TBC1D22B: variants seen among roughly 807,000 people sequenced by gnomAD.
TBC1D22B encodes chromosome 6 open reading frame 197.
Under a neutral mutation model 69.1 loss-of-function variants are expected in TBC1D22B, and 32 were observed. The ratio of observed to expected loss-of-function variants is 0.46; its 90% CI spans 0.35 to 0.62. TBC1D22B has a LOEUF of 0.62. TBC1D22B is among the 20% of genes least tolerant of loss of function. The probability of loss-of-function intolerance (pLI) is 0.00; values close to 1 mark genes in which losing one functional copy is unlikely to be tolerated. For synonymous variants in TBC1D22B, 206 were observed against 229.8 expected (o/e 0.90, Z 0.94); for missense variants, 462 against 630.9 (o/e 0.73, Z 2.87).
intron 9 of TBC1D22B, among the ~76,000 whole-genome samples, chr6:37,313,397 G>A (rs1370899372): frequency 3.3e-5 from 5 of 152,048 alleles, no homozygotes; most frequent in African/African-American, 4.8e-5. Flanking sequence ...GGCTAAGGTG[G>A]GAGGATCACT....
At chr6:37,285,912 G>T (rs935021771) in intron 6 of TBC1D22B, among the ~76,000 whole-genome samples, 2 of 152,198 alleles carry the variant, frequency 1.3e-5, no homozygotes, top group Non-Finnish European at 2.9e-5. Flanking sequence ...GTGAGCCATC[G>T]CCCTGGCCCT....
At chr6:37,268,632 G>A (rs1766381848) in intron 1 of TBC1D22B, among the ~76,000 whole-genome samples, 1 of 152,178 alleles carries the variant, frequency 6.6e-6, no homozygotes, top group Non-Finnish European at 1.5e-5. Flanking sequence ...AGAAACTTCT[G>A]TGTCTATTTG....
chr6:37,308,504 A>G (rs1294937898), intron 8 of TBC1D22B, among the ~76,000 whole-genome samples: 9 of 152,188 alleles, frequency 5.9e-5, no homozygotes, highest in African/African-American at 1.7e-4. Flanking sequence ...GTGCTGGGGA[A>G]CTATCTCACT....
chr6:37,297,967 T>C (rs529939024), intron 8 of TBC1D22B, among the ~76,000 whole-genome samples: 1 of 152,310 alleles, frequency 6.6e-6, no homozygotes, highest in East Asian at 1.9e-4. Flanking sequence ...ATATCACATG[T>C]TCTCACTCAT....
intron 8 of TBC1D22B, among the ~76,000 whole-genome samples, chr6:37,295,148 G>C (rs1318469436): frequency 6.6e-6 from 1 of 152,120 alleles, no homozygotes; most frequent in Admixed American, 6.5e-5. Flanking sequence ...TGTTGCCCAG[G>C]CTGGAGTGCA....
intron 2 of TBC1D22B, among the ~76,000 whole-genome samples, chr6:37,271,437 T>C (rs1766479856): frequency 6.6e-6 from 1 of 152,240 alleles, no homozygotes; most frequent in Non-Finnish European, 1.5e-5. Context: ...GTGATTATAA[T>C]GTATTAGTGT....
chr6:37,269,479 A>G, intron 1 of TBC1D22B, 115 bp from the exon 2 acceptor site: 2 of 912,306 alleles, frequency 2.2e-6, no homozygotes, highest in Non-Finnish European at 3.5e-6. Flanking sequence ...TACAGTTATT[A>G]GAGATAACCT....
Position 37,327,620 on chromosome 6 carries a change from G to A in TBC1D22B, c.1390-3424G>A, listed in dbSNP as rs1768465270. 3.3e-5 allele frequency among the ~76,000 whole-genome samples: 5 copies of A among 152,176 alleles called. No homozygotes were observed. The South Asian group carries it at 1.0e-3, about 32-fold the overall frequency. ...AAGAGGGAATTACTCCTGTGAGAGG[G>A]GAATATTCCAAAGATGTTCCGATCA... On this transcript the variant is annotated intron_variant, in intron 12 of 12. Coordinates refer to ENST00000373491, the MANE Select transcript of TBC1D22B (RefSeq NM_017772.4).
At chr6:37,286,321 CT>C (rs34349373) in intron 6 of TBC1D22B, among the ~76,000 whole-genome samples, 25 of 145,758 alleles carry the variant, frequency 1.7e-4, no homozygotes, top group Admixed American at 2.7e-4. Context: ...ATTTCCATTT[CT>C]TTTTTTTTTT....
At chr6:37,300,674 T>C (rs530801270) in intron 8 of TBC1D22B, among the ~76,000 whole-genome samples, 1 of 152,254 alleles carries the variant, frequency 6.6e-6, no homozygotes, top group African/African-American at 2.4e-5. Context: ...TATTTTTTAT[T>C]AGTGGCTTTT....
chr6:37,279,983 T>C (rs1651261575), intron 3 of TBC1D22B, among the ~76,000 whole-genome samples: 1 of 152,252 alleles, frequency 6.6e-6, no homozygotes, highest in African/African-American at 2.4e-5. Context: ...TGTTAGTGGC[T>C]GAATTTCACA....
intron 7 of TBC1D22B, among the ~76,000 whole-genome samples, chr6:37,287,652 A>G (rs138536832): frequency 0.012 from 1,833 of 152,310 alleles, 30 homozygotes; most frequent in Middle Eastern, 0.044. Flanking sequence ...TGACTGGCTT[A>G]TTTCACTTAG....
chr6:37,266,736 T>G (rs1002374636), intron 1 of TBC1D22B, among the ~76,000 whole-genome samples: 3 of 151,924 alleles, frequency 2.0e-5, no homozygotes, highest in African/African-American at 7.3e-5. Context: ...GTGCTGGGAT[T>G]ACAGGCGTGA....
At chr6:37,282,410 G>A in intron 4 of TBC1D22B, 46 bp downstream of exon 4, 1 of 1,522,356 alleles carries the variant, frequency 6.6e-7, no homozygotes, top group East Asian at 2.3e-5. Flanking sequence ...TGGGTGACTG[G>A]AATTCTCAGA....
At chr6:37,286,952 CAAA>C (rs1767024693) in intron 6 of TBC1D22B, 52 bp from the exon 7 acceptor site, 4 of 1,545,018 alleles carry the variant, frequency 2.6e-6, no homozygotes, top group Non-Finnish European at 3.5e-6. Context: ...CTCAAAAAAA[CAAA>C]AACAAAAAAA....
chr6:37,287,200 TG>T (rs1173534878), intron 7 of TBC1D22B, 128 bp downstream of exon 7: 1 of 660,118 alleles, frequency 1.5e-6, no homozygotes, highest in Non-Finnish European at 2.5e-6. Context: ...CTTCAGAGCA[TG>T]GTTTCATACA....
chr6:37,259,710 C>T (rs943382793), intron 1 of TBC1D22B, among the ~76,000 whole-genome samples: 3 of 152,114 alleles, frequency 2.0e-5, no homozygotes, highest in Non-Finnish European at 2.9e-5. Flanking sequence ...AGAGAACTTT[C>T]GAGTTCAGAA....
intron 1 of TBC1D22B, 71 bp downstream of exon 1, chr6:37,258,044 C>T: frequency 6.5e-7 from 1 of 1,543,078 alleles, no homozygotes; most frequent in Non-Finnish European, 8.8e-7. Flanking sequence ...CTGAATCCCG[C>T]GGGCCTGGGG....
intron 12 of TBC1D22B, chr6:37,324,454 T>C (rs866448683): frequency 2.3e-6 from 1 of 437,290 alleles, no homozygotes; most frequent in Admixed American, 2.4e-5. Context: ...TTATAAGGAC[T>C]GTGGCCTATT....
Sources: allele counts gnomAD v4.1 joint callset (sites outside exome capture counted in the v4.1 genomes callset), GRCh38; gene constraint gnomAD v4.1.1; transcripts MANE v1.5; gene names NCBI Gene and HGNC (gene_info 2026-07-23, HGNC 2026-07-21).